Variants in ARHGEF18 observed in about 807,000 individuals in gnomAD.
The protein encoded by ARHGEF18 is rho guanine nucleotide exchange factor 18.
In ARHGEF18, 93 loss-of-function variants were observed where a neutral mutation model predicts 155.7. The ratio of observed to expected loss-of-function variants is 0.60; its 90% CI spans 0.50 to 0.71. The LOEUF (loss-of-function observed/expected upper bound fraction) is 0.71. ARHGEF18 is among the 30% of genes least tolerant of loss of function. The pLI is 0.00. For synonymous variants in ARHGEF18, 742 were observed against 753.1 expected, an observed-to-expected ratio of 0.99 and a Z score of 0.24; for missense variants, 1,593 against 1,816.1, an observed-to-expected ratio of 0.88 and a Z score of 2.23.
At chr19:7,411,680 GATGCTACC>G (rs767762425) in intron 10 of ARHGEF18, among the ~76,000 whole-genome samples, 1 of 152,028 alleles carries the variant, frequency 6.6e-6, no homozygotes, top group Non-Finnish European at 1.5e-5. Flanking sequence ...ACACATTGCT[GATGCTACC>G]ATCACCACCA....
Position 7,464,674 on chromosome 19 carries a change from A to T in ARHGEF18, c.2888A>T (p.Glu963Val). 1 of 1,613,972 alleles carries T rather than the reference A, an allele frequency of 6.2e-7. No individual in the cohort carries two copies. The highest frequency in any genetic ancestry group is 1.1e-5 in the South Asian group (1 of 91,078). Reference protein sequence around the residue: ...LSDSDIPGSSEESPQVVEAPG... With the variant: ...LSDSDIPGSSVESPQVVEAPG... The stretch of plus-strand genomic sequence containing the variant: ...GACAGTGACATTCCTGGGAGCTCTG[A>T]GGAATCGCCGCAGGTGGTACGTGGA... The change falls in exon 23 of 29, where the codon GAG becomes GTG. Residue 963 changes from glutamate (E) to valine (V), a missense_variant. Physicochemically the swap from Glu to Val is moderately radical, Grantham distance 121 (BLOSUM62 -2). Transcript: ENST00000668164.
In ARHGEF18 at chr19:7,395,063, T is replaced by C. The variant is rs544497030; in HGVS notation, c.967+11860T>C. Reference sequence around the variant, plus strand: ...CCTCGAGGGCACGCCTCCTTCCGGGTCACGCCCTCTGCCCCGCCTCCGAGG... The same window carrying C: ...CCTCGAGGGCACGCCTCCTTCCGGGCCACGCCCTCTGCCCCGCCTCCGAGG... On this transcript the variant is annotated intron_variant, in intron 10 of 28. Transcript: ENST00000668164. The surrounding 1 kb of genome is among the most constrained non-coding windows in gnomAD (Gnocchi z 5.0). 236 of 985,368 alleles carry C rather than the reference T, an allele frequency of 2.4e-4. 3 individuals carry two copies. In the South Asian group the frequency reaches 9.6e-3, roughly 40 times the overall value. The allele number at this position is 985,368 out of a possible 1,614,324, so 61.0% of individuals were successfully genotyped here.
At chr19:7,406,634 T>C (rs1286904323) in intron 10 of ARHGEF18, among the ~76,000 whole-genome samples, 1 of 152,166 alleles carries the variant, frequency 6.6e-6, no homozygotes, top group East Asian at 1.9e-4. Context: ...CGAGCTGACC[T>C]TGAGACACAG....
intron 10 of ARHGEF18, among the ~76,000 whole-genome samples, chr19:7,406,069 C>T (rs1972289184): frequency 6.6e-6 from 1 of 152,030 alleles, no homozygotes; most frequent in South Asian, 2.1e-4. Context: ...TTCAGGAGAA[C>T]ACCAGATTCT....
chr19:7,385,915 C>CCT (rs150705901), intron 10 of ARHGEF18, among the ~76,000 whole-genome samples: 458 of 33,710 alleles, frequency 0.014, 23 homozygotes, highest in African/African-American at 0.066. Flanking sequence ...TCCCTCTCTC[C>CCT]CTCTCTCTCT....
At chr19:7,458,245 C>A (rs187782016) in intron 18 of ARHGEF18, among the ~76,000 whole-genome samples, 7 of 148,468 alleles carry the variant, frequency 4.7e-5, no homozygotes, top group Admixed American at 2.7e-4. Flanking sequence ...AATGATTGCA[C>A]CACTGCACTA....
intron 1 of ARHGEF18, among the ~76,000 whole-genome samples, chr19:7,356,368 G>T (rs910400490): frequency 1.3e-5 from 2 of 151,476 alleles, no homozygotes; most frequent in Non-Finnish European, 2.9e-5. Context: ...CTGCCTCCAG[G>T]GTTCAATTCA....
At chr19:7,451,368 T>G in intron 16 of ARHGEF18, 102 bp downstream of exon 16, 1 of 954,122 alleles carries the variant, frequency 1.0e-6, no homozygotes, top group Non-Finnish European at 1.5e-6. Flanking sequence ...ATAAATTCCC[T>G]TTGAAATCCA....
At chr19:7,378,559 C>A in intron 6 of ARHGEF18, 108 bp downstream of exon 6, 1 of 844,880 alleles carries the variant, frequency 1.2e-6, no homozygotes, top group Non-Finnish European at 1.6e-6. Flanking sequence ...CATAAGTGAC[C>A]AGGGCCAGAC....
At chr19:7,364,506 C>CT (rs1159702164) in intron 2 of ARHGEF18, among the ~76,000 whole-genome samples, 1 of 152,160 alleles carries the variant, frequency 6.6e-6, no homozygotes, top group African/African-American at 2.4e-5. Context: ...ACTCTGCAGC[C>CT]TGCGTCCATA....
At chr19:7,385,819 A>ATCTCTCTCTCTCTCTC (rs1252967510) in intron 10 of ARHGEF18, among the ~76,000 whole-genome samples, 3 of 89,328 alleles carry the variant, frequency 3.4e-5, no homozygotes, top group Admixed American at 2.2e-4. Context: ...TAGAGATAGG[A>ATCTCTCTCTCTCTCTC]TCTATCTCTC....
chr19:7,380,835 A>ACGGGG, intron 7 of ARHGEF18, 82 bp from the exon 8 acceptor site: 11 of 884,514 alleles, frequency 1.2e-5, no homozygotes, highest in Non-Finnish European at 1.6e-5. Flanking sequence ...TACCTGGTGT[A>ACGGGG]TGCCTGTACT....
At chr19:7,354,115 G>A (rs1317977523) in intron 1 of ARHGEF18, among the ~76,000 whole-genome samples, 1 of 152,042 alleles carries the variant, frequency 6.6e-6, no homozygotes, top group Non-Finnish European at 1.5e-5. Context: ...TTTGAGACCA[G>A]CCTGGGCAAC....
At chr19:7,459,103 G>A (rs1191308764) in intron 19 of ARHGEF18, among the ~76,000 whole-genome samples, 1 of 152,126 alleles carries the variant, frequency 6.6e-6, no homozygotes, top group Admixed American at 6.5e-5. Context: ...GGAGTGCAGT[G>A]ATGCAATCTC....
chr19:7,467,152 C>T (rs1288994057), intron 25 of ARHGEF18, 34 bp downstream of exon 25: 1 of 1,582,020 alleles, frequency 6.3e-7, no homozygotes, highest in Non-Finnish European at 8.6e-7. Context: ...CCACGCGTGC[C>T]CTTTCCTGGT....
chr19:7,456,061 A>C (rs1288705211), intron 17 of ARHGEF18, among the ~76,000 whole-genome samples: 4 of 152,222 alleles, frequency 2.6e-5, no homozygotes, highest in Non-Finnish European at 5.9e-5. Context: ...ATTGCCGGGC[A>C]CAGTGGCCTG....
In ARHGEF18 at chr19:7,470,516, C is replaced by CTTT. The variant is rs72215888; in HGVS notation, c.*229_*231dup. The stretch of plus-strand genomic sequence containing the variant: ...GGTGCCGGGGTCACTTTCTGAATCT[C>CTTT]TTTTTTTTTTTTTCAAAAAGGAAAG... On this transcript the variant is annotated 3_prime_UTR_variant, in exon 29 of 29. Transcript: ENST00000668164. This position sits in a 1 kb window ranked among gnomAD's most constrained non-coding sequence, Gnocchi z 5.9. 1 of 348,462 alleles carries CTTT rather than the reference C, an allele frequency of 2.9e-6. No homozygotes were observed. 21.6% of individuals were successfully genotyped at this position (348,462 alleles called of 1,614,324 possible).
Position 7,373,854 on chromosome 19 carries a change from T to TC in ARHGEF18, c.275+783_275+784insC, listed in dbSNP as rs1970317325. On this transcript the variant is annotated intron_variant, in intron 3 of 28. Coordinates refer to ENST00000668164, the MANE Select transcript of ARHGEF18 (RefSeq NM_001367823.1). ...CAGTTCCCGCTCCTATGAGAATTTT[T>TC]TTTTTTTTTTTTTTGAGACAGAATC... Among the ~76,000 whole-genome samples, 4 of 149,582 alleles carry TC rather than the reference T, an allele frequency of 2.7e-5. No homozygotes were observed. In the South Asian group the frequency reaches 8.5e-4, roughly 32 times the overall value.
chr19:7,398,119 C>CTG (rs1412787411), intron 10 of ARHGEF18, among the ~76,000 whole-genome samples: 1 of 152,122 alleles, frequency 6.6e-6, no homozygotes, highest in Non-Finnish European at 1.5e-5. Context: ...GGCGCCCAGG[C>CTG]TGGAGTGCAG....
Sources: allele counts gnomAD v4.1 joint callset (sites outside exome capture counted in the v4.1 genomes callset), GRCh38; gene constraint gnomAD v4.1.1; non-coding constraint Gnocchi (gnomAD v3.1); transcripts MANE v1.5; gene names NCBI Gene and HGNC (gene_info 2026-07-23, HGNC 2026-07-21).